The following LZTS1 variants were observed in gnomAD, a reference collection of about 807,000 sequenced individuals.
The protein encoded by LZTS1 is leucine zipper putative tumor suppressor 1.
In LZTS1, 31 loss-of-function variants were observed where a neutral mutation model predicts 45.8. That is an observed-to-expected ratio of 0.68 (90% CI 0.51 to 0.91). The LOEUF is 0.91. Ranked by LOEUF, LZTS1 falls within the 40% of genes least tolerant of loss-of-function variation. The pLI, the probability that LZTS1 is intolerant of heterozygous loss-of-function variation, is 0.00. For missense variants in LZTS1, 821 were observed against 788.9 expected, an observed-to-expected ratio of 1.04 and a Z score of -0.49; for synonymous variants, 359 against 357.3, an observed-to-expected ratio of 1.00 and a Z score of -0.05.
intron 1 of LZTS1, among the ~76,000 whole-genome samples, chr8:20,257,705 T>G (rs1800139177): frequency 6.6e-6 from 1 of 150,526 alleles, no homozygotes; most frequent in Admixed American, 6.6e-5. Context: ...AGTCTCACTC[T>G]GTTGCCCAGG....
At chr8:20,297,878 A>G (rs1219315984) in intron 1 of LZTS1, among the ~76,000 whole-genome samples, 1 of 152,130 alleles carries the variant, frequency 6.6e-6, no homozygotes, top group Non-Finnish European at 1.5e-5. Flanking sequence ...TATAATTTTA[A>G]AAATCTCTTT....
chr8:20,255,086 C>T lies in LZTS1; in HGVS notation c.96G>A (p.Lys32=), dbSNP rs1426777077. The part of the protein sequence containing the change: ...QYKLRKSSHL[K]KLNRYSDGLL... The stretch of plus-strand genomic sequence containing the variant: ...GCCCGTCGGAATACCGGTTGAGCTT[C>T]TTGAGGTGGGAGGACTTGCGCAGCT... Residue 32 remains lysine, a synonymous_variant, in exon 2 of 4, where the codon AAG becomes AAA. Transcript: ENST00000381569. 2 of 1,614,084 alleles carry T rather than the reference C, an allele frequency of 1.2e-6. No homozygotes were observed. Among genetic ancestry groups the T allele is most frequent in the Non-Finnish European group, 1.7e-6 (2 of 1,180,056 alleles).
At chr8:20,285,992 C>T (rs1585299913) in intron 1 of LZTS1, among the ~76,000 whole-genome samples, 1 of 152,220 alleles carries the variant, frequency 6.6e-6, no homozygotes, top group Non-Finnish European at 1.5e-5. Flanking sequence ...CTTCCTACCA[C>T]ACACGAATAT....
At chr8:20,295,779 A>C (rs945398055) in intron 1 of LZTS1, among the ~76,000 whole-genome samples, 1 of 152,080 alleles carries the variant, frequency 6.6e-6, no homozygotes, top group Non-Finnish European at 1.5e-5. Context: ...CCTCCAGACC[A>C]GGGGTGGGAA....
Position 20,303,853 on chromosome 8 carries a change from C to A in LZTS1, c.-248G>T. On this transcript the variant is annotated 5_prime_UTR_variant, in exon 1 of 4. Coordinates refer to ENST00000381569, the MANE Select transcript of LZTS1 (RefSeq NM_021020.5). ...TGAGCGGGCCGGGCCGGTCCCACTG[C>A]GCGGGATGCAGCTCCCGGCTCCCAC... 4 of 985,194 alleles carry A rather than the reference C, an allele frequency of 4.1e-6. No individual in the cohort carries two copies. The highest frequency in any genetic ancestry group is 4.8e-6 in the Non-Finnish European group (4 of 829,848). 61.0% of individuals were successfully genotyped at this position (985,194 alleles called of 1,614,324 possible).
chr8:20,283,724 G>A (rs1045074171), intron 1 of LZTS1, among the ~76,000 whole-genome samples: 3 of 152,148 alleles, frequency 2.0e-5, no homozygotes, highest in Admixed American at 2.0e-4. Flanking sequence ...AGGAGAGAGT[G>A]TGAGACACAC....
chr8:20,282,454 A>C (rs556992853), intron 1 of LZTS1, among the ~76,000 whole-genome samples: 2 of 152,238 alleles, frequency 1.3e-5, no homozygotes, highest in Non-Finnish European at 2.9e-5. Flanking sequence ...CACCAGGAGC[A>C]TTTGGTGACC....
At chr8:20,257,414 C>G (rs1164516367) in intron 1 of LZTS1, among the ~76,000 whole-genome samples, 1 of 152,010 alleles carries the variant, frequency 6.6e-6, no homozygotes, top group Non-Finnish European at 1.5e-5. Flanking sequence ...GAGAATTAGT[C>G]AATGCATTTG....
intron 1 of LZTS1, among the ~76,000 whole-genome samples, chr8:20,299,149 C>G (rs1801029029): frequency 6.6e-6 from 1 of 152,118 alleles, no homozygotes; most frequent in African/African-American, 2.4e-5. Flanking sequence ...GCTGGCCAAA[C>G]CCAGCATAAG....
At chr8:20,276,967 A>G (rs1800597490) in intron 1 of LZTS1, among the ~76,000 whole-genome samples, 1 of 152,128 alleles carries the variant, frequency 6.6e-6, no homozygotes, top group Non-Finnish European at 1.5e-5. Context: ...AACCAGAGCA[A>G]CTCCATGTTG....
At chr8:20,288,073 G>T (rs975940655) in intron 1 of LZTS1, among the ~76,000 whole-genome samples, 1 of 151,978 alleles carries the variant, frequency 6.6e-6, no homozygotes, top group African/African-American at 2.4e-5. Flanking sequence ...CCTGCCCCAG[G>T]TGCAATCCTG....
intron 1 of LZTS1, among the ~76,000 whole-genome samples, chr8:20,273,739 T>C (rs1714230690): frequency 6.6e-6 from 1 of 151,952 alleles, no homozygotes; most frequent in Admixed American, 6.6e-5. Context: ...TAAGTTGCTA[T>C]CATAGTTCCC....
At position 20,249,827 on chromosome 8, in the gene LZTS1, C is replaced by A; in HGVS notation, c.1686G>T (p.Lys562Asn). 1.9e-6 allele frequency: 3 copies of A among 1,614,218 alleles called. No homozygotes were observed. Among genetic ancestry groups the A allele is most frequent in the Non-Finnish European group, 2.5e-6 (3 of 1,180,026 alleles). The change falls in exon 4 of 4, where the codon AAG (lysine) becomes AAT (asparagine). Residue 562 changes from lysine to asparagine, a missense_variant. Lys to Asn is a moderately conservative substitution (Grantham distance 94, BLOSUM62 0). Transcript: ENST00000381569. ...AMYQRNQRLE[K>N]ALQQLARGDS... ...CCCCACGTGCCAGCTGCTGCAGGGC[C>A]TTCTCCAGGCGCTGGTTCCGCTGGT...
chr8:20,291,547 G>C (rs1259942792), intron 1 of LZTS1, among the ~76,000 whole-genome samples: 1 of 152,238 alleles, frequency 6.6e-6, no homozygotes, highest in East Asian at 1.9e-4. Flanking sequence ...GGCTCAGAGA[G>C]GCCAAGTGAC....
At chr8:20,251,098 A>AATACATATATATATAT (rs1367635822) in intron 3 of LZTS1, among the ~76,000 whole-genome samples, 7 of 41,402 alleles carry the variant, frequency 1.7e-4, no homozygotes, top group African/African-American at 4.7e-4. Flanking sequence ...CCTGAGGGCT[A>AATACATATATATATAT]ATATATATAT....
At chr8:20,265,980 C>T (rs895183593) in intron 1 of LZTS1, among the ~76,000 whole-genome samples, 1 of 152,190 alleles carries the variant, frequency 6.6e-6, no homozygotes, top group South Asian at 2.1e-4. Flanking sequence ...TTGTATCACA[C>T]ACAGGGTCAA....
At chr8:20,268,393 T>C (rs974799434) in intron 1 of LZTS1, among the ~76,000 whole-genome samples, 1 of 151,788 alleles carries the variant, frequency 6.6e-6, no homozygotes, top group Admixed American at 6.6e-5. Flanking sequence ...CCTTTTATGA[T>C]GATTCTCCCC....
At chr8:20,288,625 C>T (rs1340552533) in intron 1 of LZTS1, among the ~76,000 whole-genome samples, 1 of 152,184 alleles carries the variant, frequency 6.6e-6, no homozygotes, top group Non-Finnish European at 1.5e-5. Context: ...GGCTTCAAAC[C>T]TAGGTTGCGG....
intron 1 of LZTS1, among the ~76,000 whole-genome samples, chr8:20,262,591 C>G (rs545810695): frequency 1.3e-5 from 2 of 152,076 alleles, no homozygotes; most frequent in Non-Finnish European, 2.9e-5. Context: ...ATGCCCTTAT[C>G]GGGAACAGCA....
Sources: allele counts gnomAD v4.1 joint callset (sites outside exome capture counted in the v4.1 genomes callset), GRCh38; gene constraint gnomAD v4.1.1; transcripts MANE v1.5; gene names NCBI Gene and HGNC (gene_info 2026-07-23, HGNC 2026-07-21).